Variants in COG5 observed in about 807,000 individuals in gnomAD.
COG5 encodes component of oligomeric golgi complex 5, also known as conserved oligomeric Golgi complex subunit 5.
A neutral mutation model predicts 110.4 loss-of-function variants in COG5; 86 were observed. The ratio of observed to expected loss-of-function variants is 0.78; its 90% CI spans 0.65 to 0.93. COG5 has a LOEUF of 0.93. Ranked by LOEUF, COG5 falls within the 40% of genes least tolerant of loss-of-function variation. The pLI, the probability that COG5 is intolerant of heterozygous loss-of-function variation, is 0.00. For missense variants in COG5, 1,077 were observed against 987.0 expected (o/e 1.09, Z -1.22); for synonymous variants, 360 against 334.6 (o/e 1.08, Z -0.83).
intron 1 of COG5, among the ~76,000 whole-genome samples, chr7:107,562,913 T>A (rs1006199497): frequency 6.6e-6 from 1 of 152,224 alleles, no homozygotes; most frequent in East Asian, 1.9e-4. Context: ...TGCAAGATAC[T>A]GCTATTCACA....
chr7:107,486,709 T>C (rs919713659), intron 6 of COG5, among the ~76,000 whole-genome samples: 2 of 152,174 alleles, frequency 1.3e-5, no homozygotes, highest in East Asian at 3.8e-4. Context: ...AGAAAGTCCA[T>C]ACAAGACTCA....
intron 6 of COG5, among the ~76,000 whole-genome samples, chr7:107,468,371 T>C (rs1365177997): frequency 1.4e-4 from 21 of 152,116 alleles, no homozygotes; most frequent in Admixed American, 1.4e-3. Context: ...CCACTGATGC[T>C]ATGCTTTCTC....
chr7:107,359,519 G>A (rs532140954), intron 10 of COG5, among the ~76,000 whole-genome samples: 6 of 152,336 alleles, frequency 3.9e-5, no homozygotes, highest in African/African-American at 1.4e-4. Context: ...AGTCCATGGT[G>A]AGGACCAACA....
At chr7:107,523,705 C>T (rs1800506050) in intron 6 of COG5, among the ~76,000 whole-genome samples, 1 of 152,028 alleles carries the variant, frequency 6.6e-6, no homozygotes, top group Non-Finnish European at 1.5e-5. Context: ...ATTCCAGCTA[C>T]TCAGGAGGCT....
intron 6 of COG5, among the ~76,000 whole-genome samples, chr7:107,525,370 T>C (rs1442885411): frequency 6.6e-6 from 1 of 152,126 alleles, no homozygotes; most frequent in African/African-American, 2.4e-5. Flanking sequence ...CAAACATCCA[T>C]AATAAGCCTT....
intron 5 of COG5, among the ~76,000 whole-genome samples, chr7:107,531,357 C>T (rs941090120): frequency 1.3e-5 from 2 of 152,094 alleles, no homozygotes; most frequent in African/African-American, 4.8e-5. Flanking sequence ...GTATGATTTT[C>T]TCTCTTTTTG....
At position 107,399,508 on chromosome 7, in the gene COG5, C is replaced by A. The variant is rs533051516; in HGVS notation, c.669+12994G>T. Among the ~76,000 whole-genome samples the A allele has an allele frequency of 6.6e-5, 10 of 152,228 alleles. No homozygotes were observed. The South Asian group carries it at 1.7e-3, about 25-fold the overall frequency. ...GGCTCTTTCCCCTTAGCTCCACACA[C>A]ACTCCTCTCTCTTGCCTGCCACCAT... On this transcript the variant is annotated intron_variant, in intron 7 of 21. Transcript: ENST00000297135.
Position 107,415,954 on chromosome 7 carries a change from G to A in COG5, c.539-3322C>T, listed in dbSNP as rs1400473354. Among the ~76,000 whole-genome samples the A allele has an allele frequency of 7.7e-5, 9 of 117,094 alleles. 1 individual carries two copies. Among genetic ancestry groups the A allele is most frequent in the South Asian group, 2.7e-4 (1 of 3,754 alleles). The allele number at this position is 117,094 out of a possible 152,430, so 76.8% of individuals were successfully genotyped here. A position where few individuals can be genotyped will look rare whatever the true frequency, so the allele number is the denominator to read the frequency against. ...CACACATACACGTATGTATGTATGTGTGTGTATATACACACACATACACGT... is the reference window on the plus strand; with the variant it reads ...CACACATACACGTATGTATGTATGTATGTGTATATACACACACATACACGT... On this transcript the variant is annotated intron_variant, in intron 6 of 21. Coordinates refer to ENST00000297135, the MANE Select transcript of COG5 (RefSeq NM_006348.5).
At chr7:107,546,685 G>A (rs767349155) in intron 5 of COG5, among the ~76,000 whole-genome samples, 2 of 151,162 alleles carry the variant, frequency 1.3e-5, no homozygotes, top group East Asian at 3.9e-4. Flanking sequence ...AACCAGAAAT[G>A]AAAAAAGAAA....
At chr7:107,215,298 C>T (rs1365572683) in intron 19 of COG5, among the ~76,000 whole-genome samples, 2 of 152,100 alleles carry the variant, frequency 1.3e-5, no homozygotes, top group East Asian at 1.9e-4. Flanking sequence ...TTATTGAGTC[C>T]TTACCTATCA....
At chr7:107,315,969 C>T (rs1431905573) in intron 11 of COG5, among the ~76,000 whole-genome samples, 3 of 152,106 alleles carry the variant, frequency 2.0e-5, no homozygotes, top group East Asian at 3.9e-4. Flanking sequence ...AGATAGGTCC[C>T]ATAAGATAAG....
chr7:107,404,413 G>C (rs948211710), intron 7 of COG5, among the ~76,000 whole-genome samples: 1 of 152,086 alleles, frequency 6.6e-6, no homozygotes, highest in Non-Finnish European at 1.5e-5. Context: ...AATTCTTTTA[G>C]TCTATATTTA....
rs139601685 is a variant in COG5, at chr7:107,504,625, C to T, written c.538+22612G>A. Reference sequence around the variant, plus strand: ...GAATTCAGCTGTGAATCTATCTAGCCCTGGGCTTTTTCTTTGTTGGCAATT... The same window carrying T: ...GAATTCAGCTGTGAATCTATCTAGCTCTGGGCTTTTTCTTTGTTGGCAATT... On this transcript the variant is annotated intron_variant, in intron 6 of 21. Coordinates refer to ENST00000297135, the MANE Select transcript of COG5 (RefSeq NM_006348.5). Among the ~76,000 whole-genome samples, 178 of 152,164 alleles carry T rather than the reference C, an allele frequency of 1.2e-3. 1 individual carries two copies. Among genetic ancestry groups the T allele is most frequent in the African/African-American group, 4.1e-3 (170 of 41,536 alleles).
At chr7:107,259,567 G>A (rs28718577) in intron 14 of COG5, among the ~76,000 whole-genome samples, 92,621 of 151,822 alleles carry the variant, frequency 0.61, 30,335 homozygotes, top group African/African-American at 0.87. Flanking sequence ...GAGTGGCATC[G>A]GTGGGTATGG....
chr7:107,497,579 TTAAG>T (rs1168753264), intron 6 of COG5, among the ~76,000 whole-genome samples: 19 of 152,138 alleles, frequency 1.2e-4, no homozygotes, highest in African/African-American at 3.4e-4. Context: ...AGGAACAGAC[TTAAG>T]TAAGAAAGTG....
rs948812373 is a variant in COG5, at chr7:107,201,761, A to G, written c.*1755T>C. ...GAGAGGAGAAGTGTATACATGTTTT[A>G]TTTTAAATTGTACGAAAGGGGAATT... On this transcript the variant is annotated 3_prime_UTR_variant, in exon 22 of 22. Coordinates refer to ENST00000297135, the MANE Select transcript of COG5 (RefSeq NM_006348.5). The G allele has an allele frequency of 1.7e-5, 4 of 236,172 alleles. No homozygotes were observed. The highest frequency in any genetic ancestry group is 9.0e-5 in the African/African-American group (4 of 44,524). The allele number at this position is 236,172 out of a possible 1,614,324, so 14.6% of individuals were successfully genotyped here.
intron 7 of COG5, among the ~76,000 whole-genome samples, chr7:107,376,573 G>GT (rs1340916088): frequency 6.6e-6 from 1 of 151,754 alleles, no homozygotes; most frequent in African/African-American, 2.4e-5. Flanking sequence ...TCAGTAAATT[G>GT]TTTTGACTTT....
intron 13 of COG5, 34 bp from the exon 14 acceptor site, chr7:107,281,433 C>T: frequency 7.1e-7 from 1 of 1,399,754 alleles, no homozygotes. Context: ...TAAATATTAG[C>T]AACATCATTC....
rs1457226104 is a variant in COG5 at position 107,474,729 on chromosome 7, T to A, written c.538+52508A>T. 6.2e-7 allele frequency: 1 copy of A among 1,611,022 alleles called. No homozygotes were observed. The highest frequency in any genetic ancestry group is 8.5e-7 in the Non-Finnish European group (1 of 1,178,458). On this transcript the variant is annotated intron_variant, in intron 6 of 21. Transcript: ENST00000297135. The surrounding 1 kb of genome is among the most constrained non-coding windows in gnomAD (Gnocchi z 5.7). The stretch of plus-strand genomic sequence containing the variant: ...TACAGATCCCAATATTCTTTTTCAC[T>A]GTTGTAGTAATGTTAATCACATACA...
Sources: allele counts gnomAD v4.1 joint callset (sites outside exome capture counted in the v4.1 genomes callset), GRCh38; gene constraint gnomAD v4.1.1; non-coding constraint Gnocchi (gnomAD v3.1); transcripts MANE v1.5; gene names NCBI Gene and HGNC (gene_info 2026-07-23, HGNC 2026-07-21).